The following SF3B3 variants were observed in gnomAD, a reference collection of about 807,000 sequenced individuals.
SF3B3 encodes SAP 130.
SF3B3 carries 33 observed loss-of-function variants against 139.2 expected under a neutral mutation model. The observed-to-expected ratio is 0.24, with a 90% confidence interval of 0.18 to 0.32. The LOEUF (loss-of-function observed/expected upper bound fraction) is 0.32. SF3B3 is among the 10% of genes least tolerant of loss of function. The pLI, the probability that SF3B3 is intolerant of heterozygous loss-of-function variation, is 1.00. For synonymous variants in SF3B3, 596 were observed against 563.6 expected (o/e 1.06, Z -0.81); for missense variants, 818 against 1,509.4 (o/e 0.54, Z 7.59).
intron 6 of SF3B3, among the ~76,000 whole-genome samples, chr16:70,537,728 C>G (rs1235070444): frequency 6.6e-6 from 1 of 152,124 alleles, no homozygotes; most frequent in Non-Finnish European, 1.5e-5. Flanking sequence ...AAGTCTAAAA[C>G]TTCTTGCAGA....
chr16:70,561,405 A>C (rs772542770), intron 16 of SF3B3: 15 of 485,976 alleles, frequency 3.1e-5, no homozygotes, highest in Non-Finnish European at 5.5e-5. Flanking sequence ...AGAGAGATGA[A>C]ATGGTGAGTC....
At chr16:70,551,594 A>G (rs1028568321) in intron 11 of SF3B3, among the ~76,000 whole-genome samples, 2 of 152,126 alleles carry the variant, frequency 1.3e-5, no homozygotes, top group African/African-American at 2.4e-5. Flanking sequence ...CCTAGCTACT[A>G]GAGAGGCTGA....
In SF3B3 at chr16:70,571,190, C is replaced by T. The variant is rs34327223; in HGVS notation, c.3504C>T (p.Phe1168=). 3.6e-4 allele frequency: 576 copies of T among 1,609,446 alleles called. No homozygotes were observed. Among genetic ancestry groups the T allele is most frequent in the Middle Eastern group, 2.6e-3 (16 of 6,048 alleles). The part of the protein sequence containing the change: ...RDHLSFRSYY[F]PVKNVIDGDL... ...ACCTCAGCTTTCGCTCCTACTACTT[C>T]CCTGTGAAGGTAGGTTGGGGGAATC... is the stretch of plus-strand genomic sequence containing the variant. The change falls in exon 25 of 26, where the codon TTC becomes TTT. Residue 1168 remains phenylalanine, a synonymous_variant. Coordinates refer to ENST00000302516, the MANE Select transcript of SF3B3 (RefSeq NM_012426.5).
intron 24 of SF3B3, 109 bp from the exon 25 acceptor site, chr16:70,570,986 G>T (rs779963527): frequency 2.6e-6 from 2 of 764,102 alleles, no homozygotes; most frequent in Non-Finnish European, 4.7e-6. Context: ...GATATTTCCC[G>T]TGTGTTTGTG....
chr16:70,560,634 T>C, intron 16 of SF3B3, 43 bp downstream of exon 16: 3 of 1,604,034 alleles, frequency 1.9e-6, no homozygotes, highest in African/African-American at 1.3e-5. Context: ...TTTGGGATTT[T>C]AGTGGCACCA....
At chr16:70,539,886 C>T (rs2050203162) in intron 8 of SF3B3, among the ~76,000 whole-genome samples, 2 of 150,988 alleles carry the variant, frequency 1.3e-5, no homozygotes, top group East Asian at 2.0e-4. Context: ...AAGCAATTCT[C>T]CTGCCTCAGA....
In SF3B3 at chr16:70,539,137, G is replaced by T; in HGVS notation, c.997G>T (p.Val333Leu). Residue 333 changes from valine (V) to leucine (L), a missense_variant, in exon 8 of 26, where the codon GTA (valine) becomes TTA (leucine). Coordinates refer to ENST00000302516, the MANE Select transcript of SF3B3 (RefSeq NM_012426.5). ...GATCCGGCTCAAATATTTTGATACT[G>T]TACCCGTTGCTGCTGCCATGTGTGT... The part of the protein sequence containing the change: ...TEIRLKYFDT[V>L]PVAAAMCVLK... The T allele has an allele frequency of 6.2e-7, 1 of 1,614,124 alleles. No individual in the cohort carries two copies. Among genetic ancestry groups the T allele is most frequent in the Non-Finnish European group, 8.5e-7 (1 of 1,179,980 alleles).
Position 70,568,280 on chromosome 16 carries a change from C to T in SF3B3, c.2953-3C>T, listed in dbSNP as rs1404812739. 2.5e-6 allele frequency: 4 copies of T among 1,606,432 alleles called. No homozygotes were observed. Among genetic ancestry groups the T allele is most frequent in the African/African-American group, 1.3e-5 (1 of 74,732 alleles). On this transcript the variant is annotated splice_polypyrimidine_tract_variant and splice_region_variant and intron_variant, in intron 21 of 25. Coordinates refer to ENST00000302516, the MANE Select transcript of SF3B3 (RefSeq NM_012426.5). ...CCATCACTATTGTCTTTGTTTTTCC[C>T]AGCATATTGCCAATTATATCTCTGG...
At chr16:70,531,140 G>A (rs547329462) in intron 4 of SF3B3, among the ~76,000 whole-genome samples, 202 of 152,154 alleles carry the variant, frequency 1.3e-3, no homozygotes, top group Non-Finnish European at 2.4e-3. Context: ...ATCGTGGCGG[G>A]CGCCTGTGGT....
In SF3B3 at chr16:70,576,766, G is replaced by C. The variant is rs1254753090; in HGVS notation, c.*4953G>C. 6.6e-6 allele frequency: 1 copy of C among 152,220 alleles called. No individual in the cohort carries two copies. The highest frequency in any genetic ancestry group is 1.5e-5 in the Non-Finnish European group (1 of 68,056). 9.4% of individuals were successfully genotyped at this position (152,220 alleles called of 1,614,324 possible). A position where few individuals can be genotyped will look rare whatever the true frequency, so the allele number is the denominator to read the frequency against. Reference sequence around the variant, plus strand: ...GTCCATGAAGAGAGCACTGTATACAGTCAGATGACCTGGGCTCACTAGCCT... The same window carrying C: ...GTCCATGAAGAGAGCACTGTATACACTCAGATGACCTGGGCTCACTAGCCT... On this transcript the variant is annotated 3_prime_UTR_variant, in exon 26 of 26. Coordinates refer to ENST00000302516, the MANE Select transcript of SF3B3 (RefSeq NM_012426.5).
intron 1 of SF3B3, among the ~76,000 whole-genome samples, chr16:70,525,492 G>T (rs920930653): frequency 2.6e-5 from 4 of 151,530 alleles, no homozygotes; most frequent in African/African-American, 9.7e-5. Flanking sequence ...AAAGGGGAAA[G>T]TAGACTGTTT....
chr16:70,539,276 A>G, intron 8 of SF3B3, 69 bp downstream of exon 8: 1 of 1,094,382 alleles, frequency 9.1e-7, no homozygotes, highest in Non-Finnish European at 1.4e-6. Context: ...AGCTGGGTGC[A>G]GTGGCTCACG....
intron 15 of SF3B3, 126 bp downstream of exon 15, chr16:70,557,155 G>C (rs886218910): frequency 4.1e-6 from 4 of 978,580 alleles, no homozygotes; most frequent in Non-Finnish European, 5.9e-6. Flanking sequence ...AAAGTGAACA[G>C]TGTCACTCTG....
rs565551724 is a variant in SF3B3, at chr16:70,568,603, T to C, written c.3165+108T>C. On this transcript the variant is annotated intron_variant, in intron 22 of 25. Coordinates refer to ENST00000302516, the MANE Select transcript of SF3B3 (RefSeq NM_012426.5). ...CAAATCTGAGAAGTAAAAATGGATA[T>C]AAAATTCCATCCTACTAAAGCTAAC... 2.6e-4 allele frequency: 209 copies of C among 808,520 alleles called. No homozygotes were observed. In the African/African-American group the frequency reaches 3.1e-3, roughly 12 times the overall value. The allele number at this position is 808,520 out of a possible 1,614,324, so 50.1% of individuals were successfully genotyped here.
chr16:70,564,259 C>G (rs1392370864), intron 18 of SF3B3, among the ~76,000 whole-genome samples: 3 of 152,106 alleles, frequency 2.0e-5, no homozygotes, highest in African/African-American at 4.8e-5. Flanking sequence ...GTAGTCCCAG[C>G]TACTTGGGAG....
intron 10 of SF3B3, among the ~76,000 whole-genome samples, 187 bp from the exon 11 acceptor site, chr16:70,548,183 C>T (rs2050286941): frequency 6.6e-6 from 1 of 152,206 alleles, no homozygotes; most frequent in Non-Finnish European, 1.5e-5. Context: ...TTAAGACTGT[C>T]ATGGGGATTG....
intron 6 of SF3B3, 137 bp from the exon 7 acceptor site, chr16:70,538,186 C>A: frequency 1.2e-6 from 1 of 814,754 alleles, no homozygotes. Context: ...AGTGCTCTGG[C>A]TGGCAGGACA....
intron 23 of SF3B3, 58 bp from the exon 24 acceptor site, chr16:70,569,948 G>GAA: frequency 6.2e-7 from 1 of 1,601,812 alleles, no homozygotes; most frequent in Non-Finnish European, 8.5e-7. Context: ...CTTGCCCTTG[G>GAA]GAGTCCAGGG....
At chr16:70,540,477 C>G (rs376928594) in intron 8 of SF3B3, among the ~76,000 whole-genome samples, 1 of 152,054 alleles carries the variant, frequency 6.6e-6, no homozygotes, top group Non-Finnish European at 1.5e-5. Flanking sequence ...ACTGCATCCT[C>G]GACCTCCCAG....
Sources: allele counts gnomAD v4.1 joint callset (sites outside exome capture counted in the v4.1 genomes callset), GRCh38; gene constraint gnomAD v4.1.1; transcripts MANE v1.5; gene names NCBI Gene and HGNC (gene_info 2026-07-23, HGNC 2026-07-21).